The following RELN variants were observed in gnomAD, a reference collection of about 807,000 sequenced individuals.
RELN encodes reelin.
Under a neutral mutation model 427.6 loss-of-function variants are expected in RELN, and 108 were observed. The ratio of observed to expected loss-of-function variants is 0.25; its 90% CI spans 0.22 to 0.30. The LOEUF (loss-of-function observed/expected upper bound fraction) is 0.30. Ranked by LOEUF, RELN falls within the 10% of genes least tolerant of loss-of-function variation. RELN has a pLI of 1.00. For synonymous variants in RELN, 1,524 were observed against 1,513.4 expected (o/e 1.01, Z -0.16); for missense variants, 3,715 against 4,302.8 (o/e 0.86, Z 3.82).
chr7:103,580,293 G>A (rs1044528992), intron 28 of RELN, among the ~76,000 whole-genome samples: 4 of 152,212 alleles, frequency 2.6e-5, no homozygotes, highest in Non-Finnish European at 4.4e-5. Context: ...TTGGGGTAAA[G>A]TAGAAACATA....
chr7:103,561,704 T>C lies in RELN; in HGVS notation c.5357A>G (p.Asp1786Gly). 6.2e-7 allele frequency: 1 copy of C among 1,613,938 alleles called. No homozygotes were observed. The highest frequency in any genetic ancestry group is 1.1e-5 in the South Asian group (1 of 91,084). ...ACAATAGGGTCCACCAAAGCCCCGG[T>C]CACACCTAAGAAAGAGAGGGAGTGG... ...GICDAGRCVCDRGFGGPYCVP... is the reference protein window; with the variant it reads ...GICDAGRCVCGRGFGGPYCVP... The change falls in exon 36 of 65, where the codon GAC becomes GGC. Residue 1786 changes from aspartate to glycine, a missense_variant. Asp to Gly is a moderately conservative substitution (Grantham distance 94). This residue lies in a region of RELN where 2,208 missense variants were observed against 2,361.7 expected (regional missense o/e 0.93). Coordinates refer to ENST00000428762, the MANE Select transcript of RELN (RefSeq NM_005045.4).
chr7:103,817,828 C>T (rs1191975177), intron 3 of RELN, among the ~76,000 whole-genome samples: 1 of 150,654 alleles, frequency 6.6e-6, no homozygotes, highest in East Asian at 2.0e-4. Context: ...GCCTGTAGTC[C>T]CAGCTTTTTG....
chr7:103,885,294 G>T (rs1794699850), intron 2 of RELN, among the ~76,000 whole-genome samples: 1 of 150,868 alleles, frequency 6.6e-6, no homozygotes, highest in Non-Finnish European at 1.5e-5. Flanking sequence ...AGCCAAGACA[G>T]CACCACTGCA....
At chr7:103,604,582 T>G in intron 22 of RELN, 99 bp from the exon 23 acceptor site, 1 of 1,237,670 alleles carries the variant, frequency 8.1e-7, no homozygotes, top group South Asian at 1.2e-5. Flanking sequence ...TAACTAACTT[T>G]CTGGAACTTG....
chr7:103,609,586 A>G (rs1319502953), intron 22 of RELN, among the ~76,000 whole-genome samples: 1 of 152,236 alleles, frequency 6.6e-6, no homozygotes, highest in East Asian at 1.9e-4. Flanking sequence ...TGTGGAAATC[A>G]AATTTCAAGC....
chr7:103,909,956 T>G (rs1360751729), intron 2 of RELN, among the ~76,000 whole-genome samples: 1 of 143,404 alleles, frequency 7.0e-6, no homozygotes, highest in Non-Finnish European at 1.5e-5. Flanking sequence ...CAGAAAGTCA[T>G]TGGTAGCTTG....
chr7:103,581,752 G>C (rs1371875450), intron 28 of RELN, among the ~76,000 whole-genome samples: 1 of 152,118 alleles, frequency 6.6e-6, no homozygotes, highest in African/African-American at 2.4e-5. Context: ...CAAATGAGAT[G>C]AGGCTTTGCA....
At chr7:103,763,784 G>T (rs922535516) in intron 4 of RELN, among the ~76,000 whole-genome samples, 1 of 152,070 alleles carries the variant, frequency 6.6e-6, no homozygotes, top group African/African-American at 2.4e-5. Context: ...AGAGAGAGAG[G>T]TGGGACAGAT....
Position 103,557,039 on chromosome 7 carries a change from G to C in RELN, c.5735C>G (p.Pro1912Arg), listed in dbSNP as rs1354362582. 6.2e-7 allele frequency: 1 copy of C among 1,613,796 alleles called. No homozygotes were observed. The highest frequency in any genetic ancestry group is 8.5e-7 in the Non-Finnish European group (1 of 1,179,712). Residue 1912 changes from proline to arginine, a missense_variant, in exon 38 of 65, where the codon CCC (proline) becomes CGC (arginine). Around this residue, in one of 4 missense-constraint regions of RELN, gnomAD observed 2,208 missense variants for 2,361.7 expected, o/e 0.93. Coordinates refer to ENST00000428762, the MANE Select transcript of RELN (RefSeq NM_005045.4). Reference protein sequence around the residue: ...QTTNILFINVPLPYTAQTNAT... With the variant: ...QTTNILFINVRLPYTAQTNAT... ...ATTGGTTTGGGCAGTGTATGGCAAG[G>C]GAACATTGATGAAAAGTATATTCGT...
intron 3 of RELN, among the ~76,000 whole-genome samples, chr7:103,806,340 T>C (rs534455222): frequency 1.3e-5 from 2 of 152,236 alleles, no homozygotes; most frequent in East Asian, 3.9e-4. Context: ...TTTTCTTTTT[T>C]TTTAGACAGA....
chr7:103,864,829 TA>T (rs1018969780), intron 2 of RELN, among the ~76,000 whole-genome samples: 2 of 151,272 alleles, frequency 1.3e-5, no homozygotes, highest in Non-Finnish European at 2.9e-5. Context: ...AAGAGAAGGT[TA>T]AAAAAAATTG....
intron 8 of RELN, among the ~76,000 whole-genome samples, chr7:103,710,340 A>G (rs10281984): frequency 0.022 from 3,356 of 152,298 alleles, 132 homozygotes; most frequent in African/African-American, 0.076. Flanking sequence ...TGAGTTGGAA[A>G]TACATTTATT....
rs751342008 is a variant in RELN, at chr7:103,610,789, G to C, written c.2914C>G (p.Pro972Ala). The C allele has an allele frequency of 1.9e-6, 3 of 1,607,772 alleles. No individual in the cohort carries two copies. In the East Asian group the frequency reaches 6.7e-5, roughly 36 times the overall value. ...LVQEECLPSM[P>A]SCQEFTSASI... ...GCTGATGTAAATTCCTGACAACTTG[G>C]CATACTTGGAAGGCATTCCTGAAAG... Residue 972 changes from proline to alanine, a missense_variant, in exon 22 of 65, where the codon CCA becomes GCA. Physicochemically the swap from Pro to Ala is conservative, Grantham distance 27. This residue lies in a region of RELN where 2,208 missense variants were observed against 2,361.7 expected (regional missense o/e 0.93). Transcript: ENST00000428762.
chr7:103,598,692 A>T (rs1335798582), intron 24 of RELN, among the ~76,000 whole-genome samples: 6 of 152,262 alleles, frequency 3.9e-5, no homozygotes, highest in African/African-American at 1.4e-4. Context: ...AAAATATCAC[A>T]CAAATGCTTA....
chr7:103,898,831 T>C (rs1001533601), intron 2 of RELN, among the ~76,000 whole-genome samples: 4 of 152,106 alleles, frequency 2.6e-5, no homozygotes, highest in African/African-American at 9.7e-5. Flanking sequence ...TTTTAATTTT[T>C]AAAAATTAGC....
intron 2 of RELN, among the ~76,000 whole-genome samples, chr7:103,907,509 C>T (rs532132579): frequency 6.7e-6 from 1 of 149,422 alleles, no homozygotes; most frequent in South Asian, 2.1e-4. Flanking sequence ...TAAGCAAATC[C>T]GTAGAGACAG....
At chr7:103,909,193 A>G (rs772048604) in intron 2 of RELN, among the ~76,000 whole-genome samples, 1 of 152,144 alleles carries the variant, frequency 6.6e-6, no homozygotes, top group Non-Finnish European at 1.5e-5. Context: ...TCTCAGTCAC[A>G]CAGACAAGAC....
At chr7:103,556,924 G>C (rs2117167491) in intron 38 of RELN, 53 bp downstream of exon 38, 1 of 1,412,548 alleles carries the variant, frequency 7.1e-7, no homozygotes, top group Non-Finnish European at 1.0e-6. Context: ...AGAAACAAAT[G>C]TGTTAACATG....
At chr7:103,514,086 C>G (rs532393648) in intron 50 of RELN, 2 of 152,068 alleles carry the variant, frequency 1.3e-5, no homozygotes, top group African/African-American at 2.4e-5. Flanking sequence ...TAAAAATGAA[C>G]CAGACTGTCT....
Sources: allele counts gnomAD v4.1 joint callset (sites outside exome capture counted in the v4.1 genomes callset), GRCh38; gene constraint gnomAD v4.1.1; regional missense constraint gnomAD v4.1.1; transcripts MANE v1.5; gene names NCBI Gene and HGNC (gene_info 2026-07-23, HGNC 2026-07-21).